HIBCH: variants seen among roughly 807,000 people sequenced by gnomAD.
HIBCH encodes 3-hydroxyisobutyryl-CoA hydrolase, mitochondrial.
In HIBCH, 50 loss-of-function variants were observed where a neutral mutation model predicts 58.2. That is an observed-to-expected ratio of 0.86 (90% CI 0.68 to 1.09). HIBCH has a LOEUF of 1.09. Among genes scored for constraint, HIBCH ranks in the 50% least tolerant of loss-of-function variants. The probability of loss-of-function intolerance (pLI) is 0.00; values close to 1 mark genes in which losing one functional copy is unlikely to be tolerated. For missense variants in HIBCH, 450 were observed against 449.7 expected (o/e 1.00, Z -0.01); for synonymous variants, 151 against 146.9 (o/e 1.03, Z -0.20).
At chr2:190,237,425 A>G (rs1343360292) in intron 11 of HIBCH, among the ~76,000 whole-genome samples, 2 of 152,200 alleles carry the variant, frequency 1.3e-5, no homozygotes, top group African/African-American at 4.8e-5. Flanking sequence ...CCATTGTATA[A>G]ATATATCACA....
Position 190,249,741 on chromosome 2 carries a change from G to GA in HIBCH, c.664-16dup, listed in dbSNP as rs745386659. ...AACATGGCCAACTAAAGGGGAGGCA[G>GA]AAAAAAAGGAAAGATCTTAGATCCA... On this transcript the variant is annotated splice_polypyrimidine_tract_variant and intron_variant, in intron 8 of 13. Coordinates refer to ENST00000359678, the MANE Select transcript of HIBCH (RefSeq NM_014362.4). 5 of 1,464,606 alleles carry GA rather than the reference G, an allele frequency of 3.4e-6. No individual in the cohort carries two copies. The highest frequency in any genetic ancestry group is 1.1e-5 in the South Asian group (1 of 87,410). 90.7% of individuals were successfully genotyped at this position (1,464,606 alleles called of 1,614,324 possible). A position where few individuals can be genotyped will look rare whatever the true frequency, so the allele number is the denominator to read the frequency against.
chr2:190,212,587 T>C (rs1690538141), intron 12 of HIBCH, among the ~76,000 whole-genome samples: 1 of 152,234 alleles, frequency 6.6e-6, no homozygotes, highest in African/African-American at 2.4e-5. Context: ...TATATATATC[T>C]GCTTATAAAT....
rs1163517691 is a variant in HIBCH at position 190,206,006 on chromosome 2, T to C, written c.1046-774A>G. 5.3e-5 allele frequency among the ~76,000 whole-genome samples: 8 copies of C among 152,222 alleles called. No homozygotes were observed. The South Asian group carries it at 1.0e-3, about 20-fold the overall frequency. On this transcript the variant is annotated intron_variant, in intron 13 of 13. Coordinates refer to ENST00000359678, the MANE Select transcript of HIBCH (RefSeq NM_014362.4). The surrounding 1 kb of genome is among the most constrained non-coding windows in gnomAD (Gnocchi z 5.1). ...ATCTACAATGATCTCCAAATTTTAA[T>C]GTTATGGTTGTGGCAGCAAATTTCA... is the stretch of plus-strand genomic sequence containing the variant.
intron 11 of HIBCH, among the ~76,000 whole-genome samples, chr2:190,239,990 G>A (rs1389647359): frequency 6.6e-6 from 1 of 152,094 alleles, no homozygotes; most frequent in Non-Finnish European, 1.5e-5. Context: ...CCAGGTTTTG[G>A]TATCAGGATG....
chr2:190,200,277 TTATA>T, downstream of HIBCH: 4 of 736,954 alleles, frequency 5.4e-6, no homozygotes, highest in Non-Finnish European at 9.2e-6. Context: ...AATGTCACTA[TTATA>T]AGAACAACTA....
chr2:190,218,451 T>C (rs1685621528), intron 11 of HIBCH, among the ~76,000 whole-genome samples: 1 of 152,176 alleles, frequency 6.6e-6, no homozygotes, highest in African/African-American at 2.4e-5. Context: ...AGGGATTCCA[T>C]GGGACAGTTA....
At position 190,224,224 on chromosome 2, in the gene HIBCH, C is replaced by G. The variant is rs556875290; in HGVS notation, c.892-11149G>C. 6.6e-5 allele frequency among the ~76,000 whole-genome samples: 10 copies of G among 152,340 alleles called. No homozygotes were observed. In the East Asian group the frequency reaches 1.9e-3, roughly 29 times the overall value. ...GCTGGGGAAGGGGCGTCGGCCATTGCTGATGCTTGAGTACGTAAACAAAGC... is the reference window on the plus strand; with the variant it reads ...GCTGGGGAAGGGGCGTCGGCCATTGGTGATGCTTGAGTACGTAAACAAAGC... On this transcript the variant is annotated intron_variant, in intron 11 of 13. Coordinates refer to ENST00000359678, the MANE Select transcript of HIBCH (RefSeq NM_014362.4).
downstream of HIBCH, chr2:190,199,645 A>T: frequency 1.7e-6 from 2 of 1,195,662 alleles, no homozygotes; most frequent in South Asian, 2.0e-5. Context: ...ACTCAATCAT[A>T]CACTATTTTG....
intron 2 of HIBCH, among the ~76,000 whole-genome samples, chr2:190,303,613 G>C (rs1688326642): frequency 6.6e-6 from 1 of 152,052 alleles, no homozygotes. Context: ...AAATGGAGGA[G>C]AAAAGATAAT....
At chr2:190,294,752 A>C in intron 3 of HIBCH, 122 bp from the exon 4 acceptor site, 1 of 714,700 alleles carries the variant, frequency 1.4e-6, no homozygotes, top group Admixed American at 2.0e-5. Context: ...GACAGTACAT[A>C]TTCTTCTGTA....
Position 190,205,032 on chromosome 2 carries a change from TA to T in HIBCH, c.*84del, listed in dbSNP as rs1690355516. The T allele has an allele frequency of 1.2e-5, 9 of 748,066 alleles. No homozygotes were observed. Among genetic ancestry groups the T allele is most frequent in the Non-Finnish European group, 2.2e-5 (9 of 411,822 alleles). The allele number at this position is 748,066 out of a possible 1,614,324, so 46.3% of individuals were successfully genotyped here. ...AACCATTCTTAGCTTACAGGGTATA[TA>T]AAAACAGGCAGCAGGCTGGATTTGG... On this transcript the variant is annotated 3_prime_UTR_variant, in exon 14 of 14. Transcript: ENST00000359678.
intron 11 of HIBCH, among the ~76,000 whole-genome samples, chr2:190,231,011 A>G (rs1296636631): frequency 6.6e-6 from 1 of 152,234 alleles, no homozygotes; most frequent in Non-Finnish European, 1.5e-5. Context: ...CCAGAAATAC[A>G]TAATTAGTTC....
At chr2:190,283,231 T>A (rs1453789419) in intron 6 of HIBCH, among the ~76,000 whole-genome samples, 2 of 152,208 alleles carry the variant, frequency 1.3e-5, no homozygotes, top group Non-Finnish European at 2.9e-5. Flanking sequence ...AACTTCCTCA[T>A]AAAGCAACCT....
At chr2:190,262,372 C>T (rs1273006180) in intron 6 of HIBCH, among the ~76,000 whole-genome samples, 3 of 152,130 alleles carry the variant, frequency 2.0e-5, no homozygotes, top group Non-Finnish European at 2.9e-5. Context: ...AATAACTGCC[C>T]CATTCTCTTT....
chr2:190,197,414 G>A lies in HIBCH; in HGVS notation c.*18-7417C>T, dbSNP rs1010091977. 6.6e-6 allele frequency among the ~76,000 whole-genome samples: 1 copy of A among 152,162 alleles called. No individual in the cohort carries two copies. Among genetic ancestry groups the A allele is most frequent in the African/African-American group, 2.4e-5 (1 of 41,432 alleles). ...CTCTTAAGTCCTAGAGGAAGTAATCGTTTGCTAACACTTTGCAGATCCTTA... is the reference window on the plus strand; with the variant it reads ...CTCTTAAGTCCTAGAGGAAGTAATCATTTGCTAACACTTTGCAGATCCTTA... On this transcript the variant is annotated intron_variant, in intron 1 of 1. Transcript: ENST00000399855. This position sits in a 1 kb window ranked among gnomAD's most constrained non-coding sequence, Gnocchi z 4.0.
intron 1 of HIBCH, among the ~76,000 whole-genome samples, chr2:190,193,898 T>C (rs1689838885): frequency 6.6e-6 from 1 of 152,162 alleles, no homozygotes. Flanking sequence ...TTTAAACTTT[T>C]CTTCTTTTCT....
Position 190,243,328 on chromosome 2 carries a change from G to C in HIBCH, c.891+1559C>G, listed in dbSNP as rs528860289. 6.6e-6 allele frequency among the ~76,000 whole-genome samples: 1 copy of C among 152,278 alleles called. No individual in the cohort carries two copies. The highest frequency in any genetic ancestry group is 2.1e-4 in the South Asian group (1 of 4,834). ...CCAAGTTCTTCAGTTTTGATACTCA[G>C]ACTGGTCCTCATTGCTCCTCAAGCT... On this transcript the variant is annotated intron_variant, in intron 11 of 13. Coordinates refer to ENST00000359678, the MANE Select transcript of HIBCH (RefSeq NM_014362.4). The surrounding 1 kb of genome is among the most constrained non-coding windows in gnomAD (Gnocchi z 4.1).
At chr2:190,247,003 T>A (rs1032015928) in intron 9 of HIBCH, among the ~76,000 whole-genome samples, 3 of 138,048 alleles carry the variant, frequency 2.2e-5, no homozygotes, top group Non-Finnish European at 4.7e-5. Flanking sequence ...TAAATAAGAC[T>A]TTTTTTTTTT....
At chr2:190,201,195 T>C (rs1042024737), downstream of HIBCH, 1 of 167,062 alleles carries the variant, frequency 6.0e-6, no homozygotes, top group Non-Finnish European at 1.5e-5. Context: ...CCACCTATTA[T>C]ACTGTTTCCA....
Sources: gnomAD v4.1 joint callset for allele counts (sites outside exome capture counted in the v4.1 genomes callset) on GRCh38, gnomAD v4.1.1 for gene constraint, Gnocchi (gnomAD v3.1) non-coding constraint, MANE v1.5 for transcripts, NCBI Gene and HGNC (gene_info 2026-07-23, HGNC 2026-07-21) for gene names.